KLF12: variants seen among roughly 807,000 people sequenced by gnomAD.
KLF12 encodes the protein Krueppel-like factor 12.
A neutral mutation model predicts 37.8 loss-of-function variants in KLF12; 9 were observed. That is an observed-to-expected ratio of 0.24 (90% CI 0.14 to 0.42). The LOEUF is 0.42. KLF12 is among the 10% of genes least tolerant of loss of function. The pLI is 1.00. For synonymous variants in KLF12, 208 were observed against 202.1 expected (o/e 1.03, Z -0.25); for missense variants, 411 against 516.0 (o/e 0.80, Z 1.97).
At chr13:74,229,542 G>T in the KLF12 span, among the ~76,000 whole-genome samples, 1 of 152,086 alleles carries the variant, frequency 6.6e-6, no homozygotes, top group Non-Finnish European at 1.5e-5. Context: ...GACTTGAAAG[G>T]GTGAGAATTT....
intron 3 of KLF12, among the ~76,000 whole-genome samples, chr13:73,849,993 T>C (rs1450585473): frequency 6.6e-6 from 1 of 152,178 alleles, no homozygotes; most frequent in African/African-American, 2.4e-5. Context: ...AGGAGAGTAA[T>C]TTCATTTTCC....
chr13:74,114,841 T>TA (rs1877195313), intron 1 of KLF12, among the ~76,000 whole-genome samples: 2 of 152,174 alleles, frequency 1.3e-5, no homozygotes, highest in African/African-American at 4.8e-5. Context: ...TTGCCAGAAA[T>TA]AGTCTTACAC....
intron 1 of KLF12, among the ~76,000 whole-genome samples, chr13:74,101,925 T>A (rs906460160): frequency 3.9e-5 from 6 of 152,092 alleles, no homozygotes; most frequent in Non-Finnish European, 7.4e-5. Flanking sequence ...CAATAAAGAA[T>A]ATGCCTGATG....
the KLF12 span, among the ~76,000 whole-genome samples, chr13:74,233,927 G>A: frequency 2.0e-5 from 3 of 152,026 alleles, no homozygotes; most frequent in African/African-American, 4.8e-5. Flanking sequence ...ATTTACATTA[G>A]CAACAACAAC....
At chr13:73,988,510 C>T (rs1593809736) in intron 2 of KLF12, among the ~76,000 whole-genome samples, 1 of 152,322 alleles carries the variant, frequency 6.6e-6, no homozygotes, top group Admixed American at 6.5e-5. Context: ...GTTTGCAACA[C>T]CACAGGACAG....
chr13:74,050,613 C>A (rs1872858000), intron 1 of KLF12, among the ~76,000 whole-genome samples: 5 of 152,102 alleles, frequency 3.3e-5, no homozygotes, highest in Admixed American at 2.6e-4. Context: ...GCAGGGATAA[C>A]AACATCAGAA....
At chr13:73,997,181 C>G (rs1892145734) in intron 1 of KLF12, among the ~76,000 whole-genome samples, 1 of 152,134 alleles carries the variant, frequency 6.6e-6, no homozygotes, top group South Asian at 2.1e-4. Context: ...TTAAGTAGCA[C>G]AAATGAAGGT....
chr13:74,144,866 T>C, the KLF12 span, among the ~76,000 whole-genome samples: 1 of 152,182 alleles, frequency 6.6e-6, no homozygotes, highest in Non-Finnish European at 1.5e-5. Flanking sequence ...AACTGTATTT[T>C]CTCAAAAGAA....
At chr13:74,193,391 C>T in the KLF12 span, among the ~76,000 whole-genome samples, 1 of 152,144 alleles carries the variant, frequency 6.6e-6, no homozygotes, top group Non-Finnish European at 1.5e-5. Flanking sequence ...TATTATTACC[C>T]TTTCTTTACA....
chr13:74,290,044 T>C, the KLF12 span, among the ~76,000 whole-genome samples: 11 of 152,102 alleles, frequency 7.2e-5, no homozygotes, highest in Admixed American at 1.3e-4. Flanking sequence ...TTAAATTATC[T>C]CATCAGCTTC....
At chr13:74,247,421 T>A in the KLF12 span, among the ~76,000 whole-genome samples, 5 of 152,292 alleles carry the variant, frequency 3.3e-5, no homozygotes, top group East Asian at 9.7e-4. Context: ...TGAATTTTCC[T>A]CTTGAATCAG....
At chr13:74,213,060 A>G in the KLF12 span, among the ~76,000 whole-genome samples, 4 of 152,174 alleles carry the variant, frequency 2.6e-5, no homozygotes, top group African/African-American at 9.7e-5. Context: ...AACAGTAGAA[A>G]ACTGCACACA....
At chr13:74,204,187 C>T in the KLF12 span, among the ~76,000 whole-genome samples, 1 of 152,152 alleles carries the variant, frequency 6.6e-6, no homozygotes. Context: ...AGTTCTTAAA[C>T]TTCATCTGTA....
At chr13:73,704,241 C>T (rs988062291) in intron 7 of KLF12, among the ~76,000 whole-genome samples, 1 of 152,192 alleles carries the variant, frequency 6.6e-6, no homozygotes, top group Non-Finnish European at 1.5e-5. Context: ...ATACCTCAGT[C>T]TCTCTCCTAA....
the KLF12 span, among the ~76,000 whole-genome samples, chr13:74,225,847 A>T: frequency 6.6e-6 from 1 of 152,166 alleles, no homozygotes; most frequent in Non-Finnish European, 1.5e-5. Context: ...CCAGTCTAAG[A>T]AGAGGAAAGA....
chr13:74,047,407 C>T (rs187508029), intron 1 of KLF12, among the ~76,000 whole-genome samples: 2 of 149,538 alleles, frequency 1.3e-5, no homozygotes, highest in East Asian at 4.0e-4. Flanking sequence ...CTGGCTAACA[C>T]GGCGAAACCC....
intron 2 of KLF12, among the ~76,000 whole-genome samples, chr13:73,974,141 T>C (rs1461699301): frequency 3.9e-5 from 6 of 151,956 alleles, no homozygotes; most frequent in South Asian, 2.1e-4. Flanking sequence ...AGCCTGAAAA[T>C]TGCTGATCCT....
chr13:73,739,998 C>T lies in KLF12; in HGVS notation c.870-24473G>A, dbSNP rs112488072. ...AAAGCCATGAGAAGGAACTGGACCA[C>T]TGTAGACAGTTGTGGGGTGCTATGG... On this transcript the variant is annotated intron_variant, in intron 6 of 7. Coordinates refer to ENST00000377669, the MANE Select transcript of KLF12 (RefSeq NM_007249.5). Among the ~76,000 whole-genome samples, 42 of 145,822 alleles carry T rather than the reference C, an allele frequency of 2.9e-4. 1 individual carries two copies. The highest frequency in any genetic ancestry group is 1.0e-3 in the African/African-American group (41 of 40,534).
intron 1 of KLF12, among the ~76,000 whole-genome samples, chr13:73,995,407 T>C (rs981134840): frequency 1.3e-5 from 2 of 152,160 alleles, no homozygotes; most frequent in Non-Finnish European, 2.9e-5. Context: ...AAAAGGTTTA[T>C]AAGTAAATTT....
Sources: allele counts gnomAD v4.1 joint callset (sites outside exome capture counted in the v4.1 genomes callset), GRCh38; gene constraint gnomAD v4.1.1; transcripts MANE v1.5; gene names NCBI Gene and HGNC (gene_info 2026-07-23, HGNC 2026-07-21).